The following ITPR2 variants were observed in gnomAD, a reference collection of about 807,000 sequenced individuals.
ITPR2 encodes the protein inositol 1,4,5-trisphosphate receptor type 2.
ITPR2 carries 207 observed loss-of-function variants against 317.1 expected under a neutral mutation model. The observed-to-expected ratio is 0.65, with a 90% CI of 0.58 to 0.73. ITPR2 has a LOEUF of 0.73. Among genes scored for constraint, ITPR2 ranks in the 30% least tolerant of loss-of-function variants. ITPR2 has a pLI of 0.00. For synonymous variants in ITPR2, 1,156 were observed against 1,149.1 expected (o/e 1.01, Z -0.12); for missense variants, 2,613 against 3,284.0 (o/e 0.80, Z 4.99).
Position 26,443,668 on chromosome 12 carries a change from T to C in ITPR2, c.6343-18A>G. ...CGGGCCAACTAGAGTAGGGAAAAAA[T>C]AAAGGTTTTAGGTCTTCTTTTCCCC... is the stretch of plus-strand genomic sequence containing the variant. On this transcript the variant is annotated intron_variant, in intron 45 of 56. Transcript: ENST00000381340. The C allele has an allele frequency of 6.2e-7, 1 of 1,604,154 alleles. No individual in the cohort carries two copies.
intron 2 of ITPR2, among the ~76,000 whole-genome samples, chr12:26,757,651 C>T (rs553760754): frequency 5.9e-5 from 9 of 152,288 alleles, no homozygotes; most frequent in East Asian, 1.9e-4. Context: ...GCTTGACTTA[C>T]GATATTTTCA....
chr12:26,630,082 T>C (rs565336604), intron 22 of ITPR2, among the ~76,000 whole-genome samples: 4 of 152,288 alleles, frequency 2.6e-5, no homozygotes, highest in Admixed American at 6.5e-5. Flanking sequence ...AGAAAGGGCA[T>C]GGGATTTGGT....
At chr12:26,676,774 GT>G (rs1947916997) in intron 13 of ITPR2, among the ~76,000 whole-genome samples, 1 of 145,004 alleles carries the variant, frequency 6.9e-6, no homozygotes, top group South Asian at 2.1e-4. Context: ...TAAAATAAAT[GT>G]TTTAAGTAAA....
intron 21 of ITPR2, among the ~76,000 whole-genome samples, chr12:26,651,167 A>G (rs1414758664): frequency 6.6e-6 from 1 of 152,112 alleles, no homozygotes; most frequent in Non-Finnish European, 1.5e-5. Context: ...GCAATTTTAA[A>G]TACTCATTCT....
intron 9 of ITPR2, among the ~76,000 whole-genome samples, chr12:26,708,964 C>T (rs1281556567): frequency 1.3e-5 from 2 of 152,092 alleles, no homozygotes; most frequent in African/African-American, 4.8e-5. Context: ...AAATGATAAA[C>T]GTGTAATCAT....
rs1347146985 is a variant in ITPR2, at chr12:26,475,289, G to A, written c.6342+7C>T. On this transcript the variant is annotated splice_region_variant and intron_variant, in intron 45 of 56. Transcript: ENST00000381340. ...GCAAAATAATGTAAAGATATAAAAT[G>A]TGACACCTGATGGGCCAGAATATAG... The A allele has an allele frequency of 6.2e-7, 1 of 1,613,300 alleles. No homozygotes were observed. Among genetic ancestry groups the A allele is most frequent in the Non-Finnish European group, 8.5e-7 (1 of 1,179,782 alleles).
At position 26,477,000 on chromosome 12, in the gene ITPR2, G is replaced by T; in HGVS notation, c.6131C>A (p.Ala2044Glu). Residue 2044 changes from alanine (A) to glutamate (E), a missense_variant, in exon 44 of 57, where the codon GCA (alanine) becomes GAA (glutamate). This residue lies in a region of ITPR2 where 926 missense variants were observed against 1,072.8 expected (regional missense o/e 0.86). Coordinates refer to ENST00000381340, the MANE Select transcript of ITPR2 (RefSeq NM_002223.4). ...CATAATGGCCAGCAAAAGTTTAGAT[G>T]CATTGTTCTAGAGACACAGATTGAG... ...MDLVLQLKNN[A>E]SKLLLAIMES... The T allele has an allele frequency of 6.2e-7, 1 of 1,605,996 alleles. No individual in the cohort carries two copies. The highest frequency in any genetic ancestry group is 8.5e-7 in the Non-Finnish European group (1 of 1,172,836).
At chr12:26,578,580 G>T in intron 34 of ITPR2, 133 bp downstream of exon 34, 1 of 675,100 alleles carries the variant, frequency 1.5e-6, no homozygotes, top group Non-Finnish European at 2.4e-6. Context: ...GCTGATGGCT[G>T]CTCTTCAGTT....
chr12:26,787,983 G>A lies in ITPR2; in HGVS notation c.163+2174C>T, dbSNP rs181479239. ...TTTGTTGCCCAGGTTGGAGTGCAAT[G>A]GCGCGATCTCGGCTCACTGCAACCT... On this transcript the variant is annotated intron_variant, in intron 2 of 56. Coordinates refer to ENST00000381340, the MANE Select transcript of ITPR2 (RefSeq NM_002223.4). Among the ~76,000 whole-genome samples, 467 of 143,966 alleles carry A rather than the reference G, an allele frequency of 3.2e-3. 3 individuals are homozygous for A. Among genetic ancestry groups the A allele is most frequent in the African/African-American group, 0.011 (440 of 39,114 alleles). 94.4% of individuals were successfully genotyped at this position (143,966 alleles called of 152,430 possible). A position where few individuals can be genotyped will look rare whatever the true frequency, so the allele number is the denominator to read the frequency against.
At chr12:26,782,395 T>TAAA (rs796278759) in intron 2 of ITPR2, among the ~76,000 whole-genome samples, 1 of 136,716 alleles carries the variant, frequency 7.3e-6, no homozygotes, top group Admixed American at 7.3e-5. Flanking sequence ...TTAAAAGAAC[T>TAAA]AAAAAAAAAA....
intron 37 of ITPR2, among the ~76,000 whole-genome samples, chr12:26,518,859 CAG>C (rs1244388398): frequency 2.0e-5 from 3 of 151,856 alleles, no homozygotes; most frequent in Non-Finnish European, 2.9e-5. Flanking sequence ...ACTAAAGAAA[CAG>C]AAAAAAATTA....
At chr12:26,413,498 T>C (rs1364708611) in intron 51 of ITPR2, among the ~76,000 whole-genome samples, 1 of 152,224 alleles carries the variant, frequency 6.6e-6, no homozygotes, top group Non-Finnish European at 1.5e-5. Flanking sequence ...AGAATAAACT[T>C]AGCACTATGT....
intron 34 of ITPR2, among the ~76,000 whole-genome samples, chr12:26,568,017 T>C (rs1243812879): frequency 8.4e-6 from 1 of 119,012 alleles, no homozygotes; most frequent in Non-Finnish European, 1.7e-5. Context: ...TATATATATA[T>C]ATATATATAT....
Position 26,832,764 on chromosome 12 carries a change from G to A in ITPR2, c.18C>T (p.Ser6=). 1 of 1,602,258 alleles carries A rather than the reference G, an allele frequency of 6.2e-7. No homozygotes were observed. Among genetic ancestry groups the A allele is most frequent in the Admixed American group, 1.7e-5 (1 of 58,866 alleles). Residue 6 remains serine (S), a synonymous_variant, in exon 1 of 57, where the codon TCC becomes TCT. Transcript: ENST00000381340. ...CGATGTCCCCTATGTAGAGGAAGCT[G>A]GACATTTTCTCAGTCATGCTGCTTC... MTEKM[S]SFLYIGDIVS...
Position 26,338,099 on chromosome 12 carries a change from T to C in ITPR2, c.*1298A>G, listed in dbSNP as rs1032922392. On this transcript the variant is annotated 3_prime_UTR_variant, in exon 57 of 57. Transcript: ENST00000381340. The stretch of plus-strand genomic sequence containing the variant: ...AGGCCAGGTCAACTTGCAGAGTATC[T>C]CCCAGAGTCTGGTATCAAGTGTCTT... The C allele has an allele frequency of 1.3e-5, 2 of 152,196 alleles. No homozygotes were observed. The highest frequency in any genetic ancestry group is 4.8e-5 in the African/African-American group (2 of 41,430). The allele number at this position is 152,196 out of a possible 1,614,324, so 9.4% of individuals were successfully genotyped here. A position where few individuals can be genotyped will look rare whatever the true frequency, so the allele number is the denominator to read the frequency against.
chr12:26,428,042 C>A lies in ITPR2; in HGVS notation c.6816G>T (p.Ala2272=). Residue 2272 remains alanine, a synonymous_variant, in exon 49 of 57, where the codon GCG becomes GCT. Transcript: ENST00000381340. ...AGAAAAACAGCATAGATGTGCAGAT[C>A]GCAACTGCTATCCAAAGAAGAACCG... ...LFSVLLWIAV[A]ICTSMLFFFS... is the part of the protein sequence containing the mutation. 1 of 1,610,882 alleles carries A rather than the reference C, an allele frequency of 6.2e-7. No individual in the cohort carries two copies. The highest frequency in any genetic ancestry group is 8.5e-7 in the Non-Finnish European group (1 of 1,178,650).
At chr12:26,798,400 T>C (rs55810043) in intron 1 of ITPR2, among the ~76,000 whole-genome samples, 9,232 of 152,260 alleles carry the variant, frequency 0.061, 427 homozygotes, top group African/African-American at 0.13. Flanking sequence ...ACTAGCGCCC[T>C]CTGACATGTA....
chr12:26,602,175 G>C (rs975713179), intron 28 of ITPR2, among the ~76,000 whole-genome samples, 195 bp downstream of exon 28: 4 of 152,012 alleles, frequency 2.6e-5, no homozygotes, highest in Non-Finnish European at 5.9e-5. Context: ...TGATATGGAA[G>C]ACTCTAGTGT....
chr12:26,387,510 T>C lies in ITPR2; in HGVS notation c.7781A>G (p.Tyr2594Cys), dbSNP rs543174719. 19 of 1,613,832 alleles carry C rather than the reference T, an allele frequency of 1.2e-5. No homozygotes were observed. In the South Asian group the frequency reaches 1.8e-4, roughly 15 times the overall value. The change falls in exon 55 of 57, where the codon TAC becomes TGC. Residue 2594 changes from tyrosine (Y) to cysteine (C), a missense_variant. Around this residue, in one of 9 missense-constraint regions of ITPR2, gnomAD observed 119 missense variants for 144.3 expected, o/e 0.82. Coordinates refer to ENST00000381340, the MANE Select transcript of ITPR2 (RefSeq NM_002223.4). ...TTTAACTTTCACCAGGACTATGAAG[T>C]ACAAATAATGCCACATATTGTGTTC... ...KSEHNMWHYL[Y>C]FIVLVKVKDP... is the part of the protein sequence containing the mutation.
Sources: gnomAD v4.1 joint callset for allele counts (sites outside exome capture counted in the v4.1 genomes callset) on GRCh38, gnomAD v4.1.1 for gene constraint, gnomAD v4.1.1 regional missense constraint, MANE v1.5 for transcripts, NCBI Gene and HGNC (gene_info 2026-07-23, HGNC 2026-07-21) for gene names.